The following LIPA variants were observed in gnomAD, a reference collection of about 807,000 sequenced individuals.
The protein encoded by LIPA is lipase A, lysosomal acid type, also known as lysosomal acid lipase/cholesteryl ester hydrolase.
Under a neutral mutation model 40.6 loss-of-function variants are expected in LIPA, and 26 were observed. The ratio of observed to expected loss-of-function variants is 0.64; its 90% CI spans 0.47 to 0.89. The LOEUF (loss-of-function observed/expected upper bound fraction) is 0.89, where lower values mean the gene tolerates loss of function less well. Among genes scored for constraint, LIPA ranks in the 40% least tolerant of loss-of-function variants. LIPA has a pLI of 0.00. For missense variants in LIPA, 455 were observed against 479.6 expected (o/e 0.95, Z 0.48); for synonymous variants, 188 against 168.4 (o/e 1.12, Z -0.90).
intron 1 of LIPA, among the ~76,000 whole-genome samples, chr10:89,281,769 A>T (rs1843317392): frequency 6.6e-6 from 1 of 152,260 alleles, no homozygotes; most frequent in Admixed American, 6.5e-5. Context: ...TAGGGAAAGT[A>T]TTAGGCAGGA....
At chr10:89,322,446 A>G (rs1369632868) in intron 1 of LIPA, among the ~76,000 whole-genome samples, 1 of 141,002 alleles carries the variant, frequency 7.1e-6, no homozygotes, top group African/African-American at 3.2e-5. Flanking sequence ...GCGTGGATCC[A>G]GGAGAATTTC....
intron 2 of LIPA, among the ~76,000 whole-genome samples, chr10:89,392,384 T>C (rs1221468845): frequency 6.6e-6 from 1 of 151,980 alleles, no homozygotes; most frequent in East Asian, 1.9e-4. Flanking sequence ...TGCTGGCCAG[T>C]CATTGGGTTT....
intron 1 of LIPA, among the ~76,000 whole-genome samples, chr10:89,315,955 T>C (rs1843539247): frequency 6.6e-6 from 1 of 152,234 alleles, no homozygotes; most frequent in Non-Finnish European, 1.5e-5. Flanking sequence ...AGGGTACATG[T>C]GCACATTGTG....
At chr10:89,349,748 T>A (rs989151867) in intron 2 of LIPA, among the ~76,000 whole-genome samples, 2 of 152,196 alleles carry the variant, frequency 1.3e-5, no homozygotes, top group African/African-American at 2.4e-5. Context: ...ACAGGGATTA[T>A]AAATCAGTAA....
At chr10:89,307,005 A>G in intron 1 of LIPA, 1 of 1,614,058 alleles carries the variant, frequency 6.2e-7, no homozygotes, top group Non-Finnish European at 8.5e-7. Context: ...GCAGATCAGT[A>G]TGAAGACGCA....
chr10:89,286,751 G>A (rs144754510), intron 1 of LIPA, among the ~76,000 whole-genome samples: 22,427 of 151,826 alleles, frequency 0.15, 2,094 homozygotes, highest in Non-Finnish European at 0.21. Context: ...ATTAAATTCC[G>A]GCCCTCAAAC....
At chr10:89,346,547 G>C (rs948509118), upstream of LIPA, among the ~76,000 whole-genome samples, 1 of 152,150 alleles carries the variant, frequency 6.6e-6, no homozygotes, top group Non-Finnish European at 1.5e-5. Context: ...ATAAAGGTCA[G>C]GGTGGTTCCT....
At chr10:89,242,893 C>T (rs537333915) in intron 3 of LIPA, among the ~76,000 whole-genome samples, 2 of 152,086 alleles carry the variant, frequency 1.3e-5, no homozygotes, top group African/African-American at 2.4e-5. Flanking sequence ...TTATTTCAGG[C>T]GCCCAGTTAA....
chr10:89,258,237 G>A (rs1843190591), intron 1 of LIPA, among the ~76,000 whole-genome samples: 1 of 152,100 alleles, frequency 6.6e-6, no homozygotes, highest in Non-Finnish European at 1.5e-5. Context: ...ATAGCTATAT[G>A]CAAAACAATG....
intron 1 of LIPA, among the ~76,000 whole-genome samples, chr10:89,315,687 A>C (rs1278028583): frequency 1.3e-5 from 2 of 152,208 alleles, no homozygotes; most frequent in African/African-American, 2.4e-5. Flanking sequence ...ACTTTTGCCC[A>C]TTTTACAGCT....
At chr10:89,395,804 C>T (rs1276693792) in intron 2 of LIPA, among the ~76,000 whole-genome samples, 4 of 149,694 alleles carry the variant, frequency 2.7e-5, no homozygotes. Context: ...CAGGAGAGAC[C>T]TCAAGACAAA....
At chr10:89,298,496 T>C (rs2133514803) in intron 1 of LIPA, among the ~76,000 whole-genome samples, 1 of 152,268 alleles carries the variant, frequency 6.6e-6, no homozygotes, top group African/African-American at 2.4e-5. Context: ...TCAACCAATA[T>C]TGTTGATATA....
In LIPA at chr10:89,213,609, T is replaced by C. The variant is rs1234475120; in HGVS notation, c.*1219A>G. ...AGTCTCACTCAATTTTATTGAAAAG[T>C]TTAAGACTTTAAAAGTTACAAAGTA... On this transcript the variant is annotated 3_prime_UTR_variant, in exon 10 of 10. Transcript: ENST00000336233. The C allele has an allele frequency of 6.6e-6, 1 of 152,318 alleles. No homozygotes were observed. Among genetic ancestry groups the C allele is most frequent in the East Asian group, 1.9e-4 (1 of 5,204 alleles). 9.4% of individuals were successfully genotyped at this position (152,318 alleles called of 1,614,324 possible). A position where few individuals can be genotyped will look rare whatever the true frequency, so the allele number is the denominator to read the frequency against.
At chr10:89,225,315 TCTCGCGGA>T (rs1842755855) in intron 5 of LIPA, 87 bp from the exon 6 acceptor site, 43 of 1,199,114 alleles carry the variant, frequency 3.6e-5, no homozygotes, top group Non-Finnish European at 4.9e-5. Context: ...CGCGACGCCC[TCTCGCGGA>T]GGCCTGAGAC....
intron 2 of LIPA, among the ~76,000 whole-genome samples, chr10:89,364,687 A>C (rs1003972633): frequency 6.0e-5 from 9 of 149,744 alleles, no homozygotes; most frequent in African/African-American, 2.2e-4. Flanking sequence ...GTATATATAT[A>C]ATTAGTCATT....
chr10:89,360,234 T>C (rs550710894), intron 2 of LIPA, among the ~76,000 whole-genome samples: 2 of 152,282 alleles, frequency 1.3e-5, no homozygotes, highest in South Asian at 4.1e-4. Flanking sequence ...AACTACTGTT[T>C]AATAACATTT....
At chr10:89,402,422 A>G (rs752038714) in intron 2 of LIPA, 21 of 1,614,092 alleles carry the variant, frequency 1.3e-5, no homozygotes, top group Non-Finnish European at 1.6e-5. Flanking sequence ...TAGACACCAA[A>G]TACAGTGTGG....
chr10:89,342,341 C>A (rs2274878), intron 1 of LIPA, among the ~76,000 whole-genome samples: 2 of 152,158 alleles, frequency 1.3e-5, no homozygotes, highest in Admixed American at 1.3e-4. Context: ...AAATCATATC[C>A]CAGCCCAGGT....
chr10:89,299,031 C>T (rs1843430720), intron 1 of LIPA, among the ~76,000 whole-genome samples: 1 of 150,948 alleles, frequency 6.6e-6, no homozygotes, highest in Non-Finnish European at 1.5e-5. Flanking sequence ...ATAAAAAATA[C>T]TAAAGAAGCT....
Sources: allele counts gnomAD v4.1 joint callset (sites outside exome capture counted in the v4.1 genomes callset), GRCh38; gene constraint gnomAD v4.1.1; transcripts MANE v1.5; gene names NCBI Gene and HGNC (gene_info 2026-07-23, HGNC 2026-07-21).